Variants in OR8B2 observed in about 807,000 individuals in gnomAD.
The protein encoded by OR8B2 is olfactory receptor family 8 subfamily B member 2, also known as olfactory receptor 8B2.
For synonymous variants in OR8B2, 98 were observed against 138.2 expected (o/e 0.71, Z 2.04); for missense variants, 304 against 379.6 (o/e 0.80, Z 1.65).
chr11:124,389,063 A>G (rs1219646141), upstream of OR8B2, among the ~76,000 whole-genome samples: 1 of 152,024 alleles, frequency 6.6e-6, no homozygotes, highest in East Asian at 1.9e-4. Context: ...TGACCTCATG[A>G]TCCGCCTGCC....
upstream of OR8B2, among the ~76,000 whole-genome samples, chr11:124,388,456 T>C (rs530197855): frequency 1.6e-4 from 24 of 152,166 alleles, no homozygotes; most frequent in Non-Finnish European, 3.5e-4. Context: ...AGACAATGCA[T>C]TGACATTAAG....
upstream of OR8B2, among the ~76,000 whole-genome samples, chr11:124,386,182 T>G (rs548179712): frequency 6.6e-6 from 1 of 151,906 alleles, no homozygotes; most frequent in East Asian, 1.9e-4. Flanking sequence ...CTTTTTTTTT[T>G]GTCCCTGGGA....
rs1860633633 is a variant in OR8B2, at chr11:124,383,170, T to C, written c.174A>G (p.Pro58=). 1.2e-6 allele frequency: 2 copies of C among 1,613,740 alleles called. No homozygotes were observed. ...AGAGATTGAAGAGGAAATAGTACAT[T>C]GGTGTGTGGAGGTGAGAATTTAGAC... The part of the protein sequence containing the change: ...LFGLNSHLHT[P]MYYFLFNLSF... The change falls in exon 2 of 2, where the codon CCA becomes CCG. Residue 58 remains proline (P), a synonymous_variant. Coordinates refer to ENST00000641451, the MANE Select transcript of OR8B2 (RefSeq NM_001005468.2).
chr11:124,390,242 G>C, the OR8B2 span, among the ~76,000 whole-genome samples: 1 of 152,128 alleles, frequency 6.6e-6, no homozygotes, highest in African/African-American at 2.4e-5. Flanking sequence ...ATGCAATGAG[G>C]GGGGATGGAA....
At chr11:124,385,491 CGTGT>C (rs57427804), upstream of OR8B2, among the ~76,000 whole-genome samples, 22,253 of 147,918 alleles carry the variant, frequency 0.15, 1,668 homozygotes, top group South Asian at 0.22. Context: ...ATTTAACATG[CGTGT>C]GTGTGTGTGT....
At chr11:124,388,581 T>G (rs1202448336), upstream of OR8B2, among the ~76,000 whole-genome samples, 3 of 152,126 alleles carry the variant, frequency 2.0e-5, no homozygotes, top group Non-Finnish European at 4.4e-5. Context: ...CTTGACCAGA[T>G]GTATTCTGCT....
At chr11:124,393,699 A>G in the OR8B2 span, among the ~76,000 whole-genome samples, 1 of 152,222 alleles carries the variant, frequency 6.6e-6, no homozygotes, top group Non-Finnish European at 1.5e-5. Flanking sequence ...CAGTGTGGCC[A>G]TTCTTCAGGG....
At chr11:124,396,538 C>T in the OR8B2 span, 1 of 1,613,942 alleles carries the variant, frequency 6.2e-7, no homozygotes, top group Non-Finnish European at 8.5e-7. Context: ...ACAGAAGAAA[C>T]TTTTCCCTGC....
chr11:124,385,904 G>A (rs1245048418), upstream of OR8B2, among the ~76,000 whole-genome samples: 4 of 152,022 alleles, frequency 2.6e-5, no homozygotes, highest in African/African-American at 9.7e-5. Flanking sequence ...AAAGTGTTGG[G>A]ATTACAGGCA....
At chr11:124,396,334 C>A in the OR8B2 span, 1 of 1,245,050 alleles carries the variant, frequency 8.0e-7, no homozygotes, top group Non-Finnish European at 1.1e-6. Context: ...TCTGTAGAAA[C>A]AACAAAATCT....
At chr11:124,394,053 A>G in the OR8B2 span, among the ~76,000 whole-genome samples, 5 of 141,650 alleles carry the variant, frequency 3.5e-5, no homozygotes, top group African/African-American at 5.3e-5. Context: ...GCAATTGAAC[A>G]ATGAGAACAC....
chr11:124,386,880 TG>T (rs1238737483), upstream of OR8B2, among the ~76,000 whole-genome samples: 6,623 of 142,984 alleles, frequency 0.046, 476 homozygotes, highest in African/African-American at 0.16. Context: ...ACCAACAGTG[TG>T]AAAGTGTTCC....
the OR8B2 span, chr11:124,396,319 C>T: frequency 9.2e-7 from 1 of 1,081,996 alleles, no homozygotes; most frequent in Non-Finnish European, 1.3e-6. Context: ...TCACACATAA[C>T]ACCATCTGTA....
intron 1 of OR8B2, among the ~76,000 whole-genome samples, chr11:124,383,779 T>C (rs1308939438): frequency 6.6e-6 from 1 of 152,196 alleles, no homozygotes; most frequent in Non-Finnish European, 1.5e-5. Context: ...GCGGAGACCA[T>C]ACTGATATTC....
At chr11:124,387,802 G>T (rs10431046), upstream of OR8B2, among the ~76,000 whole-genome samples, 1 of 128,764 alleles carries the variant, frequency 7.8e-6, no homozygotes, top group African/African-American at 3.3e-5. Context: ...GAAGAAAGTC[G>T]TTGGTAGCTT....
At chr11:124,384,808 C>G (rs1860668874), upstream of OR8B2, among the ~76,000 whole-genome samples, 1 of 152,170 alleles carries the variant, frequency 6.6e-6, no homozygotes, top group East Asian at 1.9e-4. Flanking sequence ...AACTTTTCAT[C>G]AGGGATTATA....
upstream of OR8B2, among the ~76,000 whole-genome samples, chr11:124,385,224 T>C (rs894112007): frequency 6.6e-6 from 1 of 152,196 alleles, no homozygotes; most frequent in Non-Finnish European, 1.5e-5. Context: ...TCATGTGCCC[T>C]CATTTTAAGA....
chr11:124,385,495 T>A, upstream of OR8B2, among the ~76,000 whole-genome samples: 1 of 11,780 alleles, frequency 8.5e-5, no homozygotes, highest in East Asian at 5.1e-3. Flanking sequence ...AACATGCGTG[T>A]GTGTGTGTGT....
At chr11:124,386,998 C>T (rs2134194763), upstream of OR8B2, among the ~76,000 whole-genome samples, 1 of 152,366 alleles carries the variant, frequency 6.6e-6, no homozygotes, top group African/African-American at 2.4e-5. Flanking sequence ...TTGCATTTCT[C>T]TGATGGCCAG....
Sources: allele counts gnomAD v4.1 joint callset (sites outside exome capture counted in the v4.1 genomes callset), GRCh38; gene constraint gnomAD v4.1.1; transcripts MANE v1.5; gene names NCBI Gene and HGNC (gene_info 2026-07-23, HGNC 2026-07-21).